Variants in RAD54B observed in about 807,000 individuals in gnomAD.
RAD54B encodes DNA repair and recombination protein RAD54B.
A neutral mutation model predicts 95.8 loss-of-function variants in RAD54B; 78 were observed. The ratio of observed to expected loss-of-function variants is 0.81; its 90% CI spans 0.68 to 0.98. RAD54B has a LOEUF of 0.98. Among genes scored for constraint, RAD54B ranks in the 50% least tolerant of loss-of-function variants. The probability of loss-of-function intolerance (pLI) is 0.00; values close to 1 mark genes in which losing one functional copy is unlikely to be tolerated. For missense variants in RAD54B, 957 were observed against 1,056.6 expected (o/e 0.91, Z 1.31); for synonymous variants, 328 against 354.9 (o/e 0.92, Z 0.85).
chr8:94,391,903 T>A lies in RAD54B; in HGVS notation c.1519-4A>T, dbSNP rs1811033367. On this transcript the variant is annotated splice_polypyrimidine_tract_variant and splice_region_variant and intron_variant, in intron 9 of 14. Coordinates refer to ENST00000336148, the MANE Select transcript of RAD54B (RefSeq NM_012415.3). ...TTTCTCCTAACTCCTTTTCTTCCTA[T>A]GGAAAAATAGCAGACTTAAATGAAA... 1 of 1,591,120 alleles carries A rather than the reference T, an allele frequency of 6.3e-7. No individual in the cohort carries two copies. The highest frequency in any genetic ancestry group is 1.4e-5 in the African/African-American group (1 of 73,530).
intron 1 of RAD54B, among the ~76,000 whole-genome samples, chr8:94,471,781 T>A (rs1215167369): frequency 6.6e-6 from 1 of 152,148 alleles, no homozygotes; most frequent in East Asian, 1.9e-4. Flanking sequence ...AAAAGTATCA[T>A]TAATTAGATT....
At chr8:94,467,828 T>C in intron 1 of RAD54B, 1 of 258,030 alleles carries the variant, frequency 3.9e-6, no homozygotes, top group East Asian at 7.6e-5. Flanking sequence ...ACAAAATGTT[T>C]GGTTCCCTCT....
intron 5 of RAD54B, among the ~76,000 whole-genome samples, chr8:94,405,637 T>TA (rs917820142): frequency 2.4e-4 from 36 of 152,284 alleles, no homozygotes; most frequent in African/African-American, 8.7e-4. Context: ...TGTAGCAAAG[T>TA]AAGAGTGTGC....
intron 12 of RAD54B, among the ~76,000 whole-genome samples, chr8:94,379,039 C>A (rs928482945): frequency 6.6e-6 from 1 of 152,106 alleles, no homozygotes; most frequent in Non-Finnish European, 1.5e-5. Context: ...CTAGGTGGAT[C>A]CCTGTGGTTT....
At chr8:94,425,079 A>T (rs948966193) in intron 3 of RAD54B, among the ~76,000 whole-genome samples, 1 of 150,632 alleles carries the variant, frequency 6.6e-6, no homozygotes, top group Non-Finnish European at 1.5e-5. Flanking sequence ...AAAAAAAAAA[A>T]AATTCATAAG....
At chr8:94,378,691 C>T (rs941344826) in intron 12 of RAD54B, 57 bp from the exon 13 acceptor site, 2 of 1,199,560 alleles carry the variant, frequency 1.7e-6, no homozygotes, top group Non-Finnish European at 2.4e-6. Context: ...GCCCCTTCCA[C>T]ACATGCAATT....
At chr8:94,417,935 T>C (rs1811715573) in intron 3 of RAD54B, among the ~76,000 whole-genome samples, 1 of 152,038 alleles carries the variant, frequency 6.6e-6, no homozygotes, top group African/African-American at 2.4e-5. Context: ...CTGTCTGGCA[T>C]GACCCAATGA....
chr8:94,469,395 T>C (rs1327411812), intron 1 of RAD54B, among the ~76,000 whole-genome samples: 1 of 152,218 alleles, frequency 6.6e-6, no homozygotes, highest in African/African-American at 2.4e-5. Flanking sequence ...GCTTCTCCTT[T>C]GCCTTCCGGC....
chr8:94,408,254 T>C (rs1811442217), intron 4 of RAD54B, among the ~76,000 whole-genome samples: 1 of 152,180 alleles, frequency 6.6e-6, no homozygotes, highest in South Asian at 2.1e-4. Flanking sequence ...GAATATTTTG[T>C]AATATTAAGC....
chr8:94,443,986 C>G (rs1289963565), intron 3 of RAD54B, among the ~76,000 whole-genome samples: 5 of 151,824 alleles, frequency 3.3e-5, no homozygotes, highest in African/African-American at 4.8e-5. Flanking sequence ...TACAAGTTTA[C>G]CAATTTTTTG....
chr8:94,425,984 GCT>G, intron 3 of RAD54B, among the ~76,000 whole-genome samples: 1 of 152,256 alleles, frequency 6.6e-6, no homozygotes, highest in East Asian at 1.9e-4. Flanking sequence ...ACAGGGTCTT[GCT>G]CTGTTGCCCA....
At chr8:94,463,210 A>C (rs1406106634) in intron 2 of RAD54B, among the ~76,000 whole-genome samples, 5 of 151,220 alleles carry the variant, frequency 3.3e-5, no homozygotes, top group African/African-American at 1.2e-4. Flanking sequence ...ATAAATAATA[A>C]ATATTGGTTG....
intron 3 of RAD54B, among the ~76,000 whole-genome samples, chr8:94,421,965 A>C (rs1049921713): frequency 2.0e-4 from 30 of 152,334 alleles, no homozygotes; most frequent in African/African-American, 7.0e-4. Context: ...CATGAGTCCT[A>C]GTAATCTTGA....
At chr8:94,381,071 A>C (rs56272303) in intron 11 of RAD54B, among the ~76,000 whole-genome samples, 19,056 of 152,178 alleles carry the variant, frequency 0.13, 1,603 homozygotes, top group African/African-American at 0.23. Flanking sequence ...ACAGGAAGAT[A>C]ACTTGAATCC....
chr8:94,374,262 G>C (rs1586113077), intron 14 of RAD54B, among the ~76,000 whole-genome samples: 1 of 151,130 alleles, frequency 6.6e-6, no homozygotes, highest in Non-Finnish European at 1.5e-5. Flanking sequence ...CTGGGTGACA[G>C]AGCAAGACTC....
intron 3 of RAD54B, among the ~76,000 whole-genome samples, chr8:94,457,873 T>G (rs1033896755): frequency 2.6e-5 from 4 of 152,172 alleles, no homozygotes; most frequent in Non-Finnish European, 5.9e-5. Context: ...ATAATTCAAC[T>G]CTGATTTGAA....
At chr8:94,458,766 T>C (rs531659211) in intron 2 of RAD54B, among the ~76,000 whole-genome samples, 8 of 152,068 alleles carry the variant, frequency 5.3e-5, no homozygotes, top group South Asian at 2.1e-4. Flanking sequence ...ACTTGGGAGA[T>C]TGAGGCAGGA....
chr8:94,379,846 A>C (rs907434124), intron 12 of RAD54B, among the ~76,000 whole-genome samples: 10 of 152,368 alleles, frequency 6.6e-5, no homozygotes, highest in African/African-American at 2.4e-4. Flanking sequence ...CCAACTCTGC[A>C]GTAAACTAGA....
At chr8:94,375,860 T>G (rs1017537865) in intron 14 of RAD54B, among the ~76,000 whole-genome samples, 2 of 152,050 alleles carry the variant, frequency 1.3e-5, no homozygotes, top group African/African-American at 4.8e-5. Context: ...ACAAAAAAAC[T>G]AATAGTGGTG....
Sources: gnomAD v4.1 joint callset for allele counts (sites outside exome capture counted in the v4.1 genomes callset) on GRCh38, gnomAD v4.1.1 for gene constraint, MANE v1.5 for transcripts, NCBI Gene and HGNC (gene_info 2026-07-23, HGNC 2026-07-21) for gene names.